Variants in SLC47A1 observed in about 807,000 individuals in gnomAD.
The protein encoded by SLC47A1 is solute carrier family 47 member 1.
SLC47A1 carries 58 observed loss-of-function variants against 65.8 expected under a neutral mutation model. The ratio of observed to expected loss-of-function variants is 0.88; its 90% confidence interval spans 0.71 to 1.10. The LOEUF (loss-of-function observed/expected upper bound fraction) is 1.10, where lower values mean the gene tolerates loss of function less well. Ranked by LOEUF, SLC47A1 falls within the 50% of genes least tolerant of loss-of-function variation. SLC47A1 has a pLI of 0.00. For missense variants in SLC47A1, 706 were observed against 719.2 expected (o/e 0.98, Z 0.21); for synonymous variants, 285 against 295.0 (o/e 0.97, Z 0.35).
intron 12 of SLC47A1, among the ~76,000 whole-genome samples, chr17:19,563,349 G>A (rs2084329874): frequency 1.3e-5 from 2 of 151,676 alleles, no homozygotes; most frequent in Admixed American, 6.6e-5. Context: ...AGCCAGGATG[G>A]TCTCGATCTC....
chr17:19,548,812 G>A (rs1840734989), intron 4 of SLC47A1, among the ~76,000 whole-genome samples: 1 of 152,198 alleles, frequency 6.6e-6, no homozygotes, highest in South Asian at 2.1e-4. Context: ...TTGGTCTGTG[G>A]TGAGGCCTGG....
intron 10 of SLC47A1, 74 bp from the exon 11 acceptor site, chr17:19,560,114 T>G: frequency 3.7e-6 from 4 of 1,080,544 alleles, no homozygotes; most frequent in East Asian, 2.4e-5. Flanking sequence ...GTGTGAGGCA[T>G]GAGGCTGCTT....
Position 19,560,195 on chromosome 17 carries a change from C to T in SLC47A1, c.929C>T (p.Ala310Val), listed in dbSNP as rs1322335818. The T allele has an allele frequency of 1.2e-6, 2 of 1,611,108 alleles. No homozygotes were observed. Among genetic ancestry groups the T allele is most frequent in the Non-Finnish European group, 1.7e-6 (2 of 1,179,036 alleles). ...ELAIIVYMVP[A>V]GFSVAASVRV... ...GTTTCCTTTTTATTTTAGGTCCCTG[C>T]AGGCTTCAGTGTGGCTGCCAGTGTC... Residue 310 changes from alanine to valine, a missense_variant, in exon 11 of 17, where the codon GCA becomes GTA. Ala to Val is a moderately conservative substitution (Grantham distance 64). Transcript: ENST00000270570.
intron 5 of SLC47A1, among the ~76,000 whole-genome samples, chr17:19,550,546 G>T (rs569791765): frequency 2.0e-5 from 3 of 152,008 alleles, no homozygotes; most frequent in African/African-American, 7.2e-5. Flanking sequence ...AAACTCCTGC[G>T]TTCAAGCAAT....
intron 10 of SLC47A1, among the ~76,000 whole-genome samples, chr17:19,558,405 T>C (rs1226248538): frequency 6.6e-6 from 1 of 152,140 alleles, no homozygotes; most frequent in African/African-American, 2.4e-5. Context: ...AGGCACATGA[T>C]GTTGATCTGT....
chr17:19,552,186 A>G (rs1355473129), intron 6 of SLC47A1, among the ~76,000 whole-genome samples: 1 of 152,162 alleles, frequency 6.6e-6, no homozygotes, highest in Non-Finnish European at 1.5e-5. Context: ...AGTGTTCTTA[A>G]AGTTAAGATA....
In SLC47A1 at chr17:19,570,609, T is replaced by C. The variant is rs1160231294; in HGVS notation, c.1310-869T>C. 2.6e-5 allele frequency among the ~76,000 whole-genome samples: 4 copies of C among 152,190 alleles called. No individual in the cohort carries two copies. In the East Asian group the frequency reaches 7.7e-4, roughly 29 times the overall value. On this transcript the variant is annotated intron_variant, in intron 14 of 16. Coordinates refer to ENST00000270570, the MANE Select transcript of SLC47A1 (RefSeq NM_018242.3). ...ATCTGGGGCCAATCGTTACAGAAGT[T>C]ACTGGTTAGCTTCCTGGATTGTTAC...
In SLC47A1 at chr17:19,546,522, A is replaced by G; in HGVS notation, c.306+19A>G. 6.2e-7 allele frequency: 1 copy of G among 1,610,962 alleles called. No homozygotes were observed. The highest frequency in any genetic ancestry group is 8.5e-7 in the Non-Finnish European group (1 of 1,177,900). On this transcript the variant is annotated intron_variant, in intron 3 of 16. Coordinates refer to ENST00000270570, the MANE Select transcript of SLC47A1 (RefSeq NM_018242.3). ...CTCCCAGGTAAATGGAAGTGGTCAC[A>G]CGCTCACAGTGACCTCAAACATCTT...
chr17:19,550,262 CAGGCACAT>C (rs1274834418), intron 5 of SLC47A1, among the ~76,000 whole-genome samples: 2 of 152,120 alleles, frequency 1.3e-5, no homozygotes, highest in South Asian at 2.1e-4. Context: ...GCTGGAACTA[CAGGCACAT>C]GCCACCACAC....
intron 10 of SLC47A1, among the ~76,000 whole-genome samples, chr17:19,556,480 G>T (rs947264918): frequency 6.6e-6 from 1 of 151,996 alleles, no homozygotes; most frequent in Non-Finnish European, 1.5e-5. Context: ...GCTCCTGCCT[G>T]GTTCTGAAGC....
At chr17:19,534,229 C>T (rs1286195857) in intron 1 of SLC47A1, 155 bp downstream of exon 1, 2 of 964,534 alleles carry the variant, frequency 2.1e-6, no homozygotes, top group African/African-American at 1.7e-5. Flanking sequence ...GGCGGGCACC[C>T]CAGCTCCTCT....
intron 2 of SLC47A1, among the ~76,000 whole-genome samples, chr17:19,543,546 T>C (rs185766153): frequency 2.5e-3 from 376 of 152,222 alleles, no homozygotes; most frequent in Non-Finnish European, 4.3e-3. Flanking sequence ...TCCTCAGTTG[T>C]CTGTCTTACT....
At chr17:19,558,442 C>T (rs546115820) in intron 10 of SLC47A1, among the ~76,000 whole-genome samples, 2 of 151,638 alleles carry the variant, frequency 1.3e-5, no homozygotes, top group Non-Finnish European at 2.9e-5. Context: ...CTACTTTTTA[C>T]TTGTTGGTGG....
chr17:19,571,943 C>G (rs984599947), intron 15 of SLC47A1, among the ~76,000 whole-genome samples: 1 of 152,138 alleles, frequency 6.6e-6, no homozygotes, highest in African/African-American at 2.4e-5. Flanking sequence ...TTGTGTGCAT[C>G]CTTCCCTTCA....
chr17:19,537,988 C>A (rs1321164887), intron 1 of SLC47A1, among the ~76,000 whole-genome samples: 1 of 152,234 alleles, frequency 6.6e-6, no homozygotes, highest in Non-Finnish European at 1.5e-5. Flanking sequence ...CACCCCACAG[C>A]TCATCATGCA....
At chr17:19,545,319 T>C (rs1245010738) in intron 2 of SLC47A1, among the ~76,000 whole-genome samples, 2 of 151,912 alleles carry the variant, frequency 1.3e-5, no homozygotes, top group East Asian at 3.9e-4. Context: ...CTCAGCCTCC[T>C]GAGTAGCTGG....
At chr17:19,572,229 T>C (rs2084405168) in intron 15 of SLC47A1, among the ~76,000 whole-genome samples, 1 of 152,200 alleles carries the variant, frequency 6.6e-6, no homozygotes, top group Admixed American at 6.6e-5. Context: ...CTCTTGTCCC[T>C]GTCTCCCTCA....
At position 19,566,503 on chromosome 17, in the gene SLC47A1, G is replaced by A. The variant is rs554444857; in HGVS notation, c.1107-287G>A. ...TGCAGTGATGAGATCTCAGCTCACT[G>A]CAACCTCTGCCTCCCGGGTTCAAGC... is the stretch of plus-strand genomic sequence containing the variant. On this transcript the variant is annotated intron_variant, in intron 12 of 16. Transcript: ENST00000270570. Among the ~76,000 whole-genome samples, 309 of 152,166 alleles carry A rather than the reference G, an allele frequency of 2.0e-3. 6 individuals are homozygous for A. The highest frequency in any genetic ancestry group is 7.2e-3 in the African/African-American group (299 of 41,502).
chr17:19,572,373 A>C (rs1469960561), intron 15 of SLC47A1, among the ~76,000 whole-genome samples: 1 of 151,928 alleles, frequency 6.6e-6, no homozygotes, highest in Non-Finnish European at 1.5e-5. Flanking sequence ...ATCTCGCTGG[A>C]GTCTCAACCT....
Sources: gnomAD v4.1 joint callset for allele counts (sites outside exome capture counted in the v4.1 genomes callset) on GRCh38, gnomAD v4.1.1 for gene constraint, MANE v1.5 for transcripts, NCBI Gene and HGNC (gene_info 2026-07-23, HGNC 2026-07-21) for gene names.